The following NSMCE2 variants were observed in gnomAD, a reference collection of about 807,000 sequenced individuals.
NSMCE2 encodes the protein E3 SUMO-protein ligase NSE2.
In NSMCE2, 24 loss-of-function variants were observed where a neutral mutation model predicts 23.8. The observed-to-expected ratio is 1.01, with a 90% CI of 0.73 to 1.42. The LOEUF is 1.42. NSMCE2 is among the 40% of genes most tolerant of loss of function. The pLI is 0.00. For synonymous variants in NSMCE2, 92 were observed against 94.1 expected, an observed-to-expected ratio of 0.98 and a Z score of 0.13; for missense variants, 284 against 296.5, an observed-to-expected ratio of 0.96 and a Z score of 0.31.
At chr8:125,260,319 A>C in intron 5 of NSMCE2, among the ~76,000 whole-genome samples, 1 of 152,134 alleles carries the variant, frequency 6.6e-6, no homozygotes, top group Non-Finnish European at 1.5e-5. Context: ...TGGAATCAGG[A>C]GGGTAAAATT....
intron 5 of NSMCE2, among the ~76,000 whole-genome samples, chr8:125,244,092 C>CA (rs1397943426): frequency 6.6e-6 from 1 of 151,748 alleles, no homozygotes; most frequent in Non-Finnish European, 1.5e-5. Flanking sequence ...AGTGGTGTGC[C>CA]ATAAAGCTAA....
chr8:125,294,459 C>G (rs1828244482), intron 5 of NSMCE2, among the ~76,000 whole-genome samples: 1 of 152,196 alleles, frequency 6.6e-6, no homozygotes, highest in South Asian at 2.1e-4. Flanking sequence ...TCCTCACCAG[C>G]ACATGTTATT....
At chr8:125,109,865 G>C (rs781154695) in intron 3 of NSMCE2, among the ~76,000 whole-genome samples, 10 of 152,126 alleles carry the variant, frequency 6.6e-5, no homozygotes, top group Non-Finnish European at 1.3e-4. Context: ...CGATATTCTA[G>C]TATTACCTTC....
chr8:125,233,097 T>A (rs1361244853), intron 5 of NSMCE2, among the ~76,000 whole-genome samples: 1 of 152,182 alleles, frequency 6.6e-6, no homozygotes, highest in East Asian at 1.9e-4. Flanking sequence ...GCAGATCACT[T>A]TGAAGCTTGC....
intron 5 of NSMCE2, among the ~76,000 whole-genome samples, chr8:125,266,876 G>A (rs1826937555): frequency 6.6e-6 from 1 of 152,004 alleles, no homozygotes; most frequent in African/African-American, 2.4e-5. Flanking sequence ...AAGGAGAGAT[G>A]TTCAGAATCA....
intron 5 of NSMCE2, among the ~76,000 whole-genome samples, chr8:125,200,449 A>C (rs1018927287): frequency 2.6e-5 from 4 of 152,184 alleles, no homozygotes; most frequent in Non-Finnish European, 5.9e-5. Flanking sequence ...GTTTGGCTGG[A>C]TATGAGATTC....
chr8:125,161,689 C>T (rs1023571495), intron 4 of NSMCE2, among the ~76,000 whole-genome samples: 1 of 147,948 alleles, frequency 6.8e-6, no homozygotes, highest in African/African-American at 2.6e-5. Flanking sequence ...CCCAGCTACT[C>T]GGGAGGCTGA....
intron 6 of NSMCE2, 84 bp downstream of exon 6, chr8:125,357,403 T>C (rs1813329122): frequency 3.0e-6 from 3 of 991,978 alleles, no homozygotes; most frequent in Non-Finnish European, 4.8e-6. Context: ...TCTGGTTTGA[T>C]TTCACTTAGG....
At chr8:125,295,241 G>A (rs567998336) in intron 5 of NSMCE2, among the ~76,000 whole-genome samples, 42 of 151,956 alleles carry the variant, frequency 2.8e-4, no homozygotes, top group African/African-American at 9.4e-4. Flanking sequence ...TTACCTTCTG[G>A]GGCCCCTAAT....
chr8:125,357,358 T>C (rs764215285), intron 6 of NSMCE2, 39 bp downstream of exon 6: 19 of 1,305,742 alleles, frequency 1.5e-5, no homozygotes, highest in Non-Finnish European at 2.1e-5. Context: ...GAAACACGAT[T>C]CACTTCACAG....
At chr8:125,221,027 A>G (rs1041879376) in intron 5 of NSMCE2, among the ~76,000 whole-genome samples, 5 of 152,212 alleles carry the variant, frequency 3.3e-5, no homozygotes, top group African/African-American at 1.2e-4. Context: ...CAGAGCTAGA[A>G]TATAGGATAC....
intron 3 of NSMCE2, among the ~76,000 whole-genome samples, chr8:125,118,855 C>T (rs1046991727): frequency 6.6e-6 from 1 of 152,064 alleles, no homozygotes; most frequent in African/African-American, 2.4e-5. Flanking sequence ...GATGCAGATC[C>T]TTTCACAAAA....
intron 4 of NSMCE2, among the ~76,000 whole-genome samples, chr8:125,164,353 T>C (rs749248704): frequency 1.3e-5 from 2 of 152,240 alleles, no homozygotes; most frequent in Non-Finnish European, 2.9e-5. Flanking sequence ...GCTGTTTTCA[T>C]GACAGTTCTG....
At position 125,226,631 on chromosome 8, in the gene NSMCE2, C is replaced by T. The variant is rs138252985; in HGVS notation, c.418+44375C>T. On this transcript the variant is annotated intron_variant, in intron 5 of 7. Transcript: ENST00000287437. ...ACTTTCTGACTCCTGGAGGACGAAACGCCACTTGTCTGAGAGGGAGTGGGA... is the reference window on the plus strand; with the variant it reads ...ACTTTCTGACTCCTGGAGGACGAAATGCCACTTGTCTGAGAGGGAGTGGGA... Among the ~76,000 whole-genome samples, 164 of 152,168 alleles carry T rather than the reference C, an allele frequency of 1.1e-3. 2 individuals are homozygous for T. The highest frequency in any genetic ancestry group is 3.8e-3 in the African/African-American group (157 of 41,500).
At chr8:125,360,793 A>G (rs553040783) in intron 7 of NSMCE2, among the ~76,000 whole-genome samples, 2 of 152,290 alleles carry the variant, frequency 1.3e-5, no homozygotes, top group South Asian at 2.1e-4. Flanking sequence ...AGAAATGTCC[A>G]TGACACATTG....
chr8:125,110,771 T>G (rs1818700675), intron 3 of NSMCE2, among the ~76,000 whole-genome samples: 1 of 149,724 alleles, frequency 6.7e-6, no homozygotes, highest in Admixed American at 6.6e-5. Context: ...TGTTTTTTTT[T>G]TTTTTTTTTT....
chr8:125,306,597 A>G (rs1389229505), intron 5 of NSMCE2, among the ~76,000 whole-genome samples: 1 of 152,216 alleles, frequency 6.6e-6, no homozygotes, highest in East Asian at 1.9e-4. Context: ...GACCTGCACA[A>G]AATGTGAAAA....
intron 5 of NSMCE2, among the ~76,000 whole-genome samples, chr8:125,321,074 C>T (rs929567044): frequency 2.6e-5 from 4 of 152,166 alleles, no homozygotes; most frequent in Non-Finnish European, 5.9e-5. Context: ...CTGTTAGAAA[C>T]TGCCCCCATG....
chr8:125,140,991 G>C (rs958980549), intron 3 of NSMCE2, among the ~76,000 whole-genome samples: 1 of 152,156 alleles, frequency 6.6e-6, no homozygotes, highest in Non-Finnish European at 1.5e-5. Flanking sequence ...GGAGGCTTTA[G>C]GTAGCCAAAG....
Sources: gnomAD v4.1 joint callset for allele counts (sites outside exome capture counted in the v4.1 genomes callset) on GRCh38, gnomAD v4.1.1 for gene constraint, MANE v1.5 for transcripts, NCBI Gene and HGNC (gene_info 2026-07-23, HGNC 2026-07-21) for gene names.